DOCK6: variants seen among roughly 807,000 people sequenced by gnomAD.
DOCK6 encodes the protein dedicator of cytokinesis 6.
Under a neutral mutation model 230.3 loss-of-function variants are expected in DOCK6, and 167 were observed. The ratio of observed to expected loss-of-function variants is 0.73; its 90% CI spans 0.64 to 0.82. The LOEUF is 0.82. Among genes scored for constraint, DOCK6 ranks in the 40% least tolerant of loss-of-function variants. The probability of loss-of-function intolerance (pLI) is 0.00; values close to 1 mark genes in which losing one functional copy is unlikely to be tolerated. For synonymous variants in DOCK6, 1,148 were observed against 1,185.0 expected, an observed-to-expected ratio of 0.97 and a Z score of 0.64; for missense variants, 2,598 against 2,825.8, an observed-to-expected ratio of 0.92 and a Z score of 1.83.
At chr19:11,248,175 C>T in intron 6 of DOCK6, 24 bp from the exon 7 acceptor site, 1 of 1,022,050 alleles carries the variant, frequency 9.8e-7, no homozygotes, top group South Asian at 1.3e-5. Context: ...GGGGTGGGAG[C>T]TGGGCGGGAG....
intron 24 of DOCK6, among the ~76,000 whole-genome samples, chr19:11,226,206 G>A (rs367707960): frequency 6.6e-6 from 1 of 152,118 alleles, no homozygotes; most frequent in East Asian, 1.9e-4. Context: ...GACAGTGAGG[G>A]GTCTGGAGCT....
intron 7 of DOCK6, chr19:11,247,814 G>A (rs984747867): frequency 4.6e-6 from 2 of 431,966 alleles, no homozygotes; most frequent in Non-Finnish European, 8.6e-6. Flanking sequence ...ATGAGGTTGT[G>A]GTGAATATAA....
chr19:11,228,148 T>C (rs1002757987), intron 23 of DOCK6, among the ~76,000 whole-genome samples: 6 of 151,858 alleles, frequency 4.0e-5, no homozygotes, highest in African/African-American at 9.7e-5. Flanking sequence ...GTAGCTGAGA[T>C]TACAGGCACG....
intron 1 of DOCK6, among the ~76,000 whole-genome samples, chr19:11,255,097 G>A (rs1255990801): frequency 6.6e-6 from 1 of 151,912 alleles, no homozygotes; most frequent in Non-Finnish European, 1.5e-5. Context: ...CCTGCTTCCC[G>A]GGTTCAAGCG....
chr19:11,249,624 G>A (rs1450066395), intron 6 of DOCK6, among the ~76,000 whole-genome samples: 3 of 151,356 alleles, frequency 2.0e-5, no homozygotes, highest in African/African-American at 7.3e-5. Flanking sequence ...GGCCAGGCGC[G>A]GTGGCTCAAG....
chr19:11,232,096 C>T (rs2079773783), intron 22 of DOCK6: 1 of 1,021,608 alleles, frequency 9.8e-7, no homozygotes, highest in Admixed American at 2.6e-5. Context: ...CAGGCAGCCC[C>T]CCTAGGTTAG....
chr19:11,252,940 C>A lies in DOCK6; in HGVS notation c.151G>T (p.Val51Phe). 1 of 1,608,212 alleles carries A rather than the reference C, an allele frequency of 6.2e-7. No homozygotes were observed. Among genetic ancestry groups the A allele is most frequent in the South Asian group, 1.1e-5 (1 of 90,066 alleles). Residue 51 changes from valine (V) to phenylalanine (F), a missense_variant, in exon 3 of 48, where the codon GTC (valine) becomes TTC (phenylalanine). Physicochemically the swap from Val to Phe is conservative, Grantham distance 50 (BLOSUM62 -1). Transcript: ENST00000294618. Reference protein sequence around the residue: ...SSLGVPLTEVVEPLDFEDVLL... With the variant: ...SSLGVPLTEVFEPLDFEDVLL... ...ACATCCTCAAAGTCCAGGGGCTCGA[C>A]AACTTCAGTCAGTGGGACCTGGATT...
intron 6 of DOCK6, among the ~76,000 whole-genome samples, chr19:11,250,141 G>A (rs1219353319): frequency 6.6e-6 from 1 of 150,998 alleles, no homozygotes; most frequent in Non-Finnish European, 1.5e-5. Flanking sequence ...CTTCAGAGTA[G>A]CTGGGATTAC....
At chr19:11,208,429 C>T (rs1013849949) in intron 39 of DOCK6, 8 of 330,558 alleles carry the variant, frequency 2.4e-5, no homozygotes, top group East Asian at 1.7e-4. Flanking sequence ...TACAGCCGTG[C>T]GCCACCACGC....
intron 28 of DOCK6, among the ~76,000 whole-genome samples, chr19:11,217,986 T>C (rs1283500887): frequency 6.6e-6 from 1 of 150,884 alleles, no homozygotes; most frequent in South Asian, 2.1e-4. Context: ...GGAGTAGCTG[T>C]GATTACAGGC....
At chr19:11,239,871 G>A (rs759226211) in intron 14 of DOCK6, 3 of 1,597,862 alleles carry the variant, frequency 1.9e-6, no homozygotes, top group Non-Finnish European at 2.6e-6. Context: ...AACTCCTGGG[G>A]CAGGAGGTCA....
intron 24 of DOCK6, 93 bp downstream of exon 24, chr19:11,227,244 C>T (rs957332153): frequency 6.5e-7 from 1 of 1,535,550 alleles, no homozygotes; most frequent in East Asian, 2.3e-5. Flanking sequence ...GGTCTTACGG[C>T]CAGGAGACAC....
chr19:11,244,020 A>C, intron 9 of DOCK6, 138 bp from the exon 10 acceptor site: 7 of 889,174 alleles, frequency 7.9e-6, no homozygotes, highest in Non-Finnish European at 1.2e-5. Flanking sequence ...AACACCTCCC[A>C]TGGCTCCCGC....
chr19:11,259,881 C>CTTTTTTTT (rs1205836383), intron 1 of DOCK6, among the ~76,000 whole-genome samples: 5,058 of 67,698 alleles, frequency 0.075, 1,266 homozygotes, highest in East Asian at 0.17. Context: ...CGCGCCCGGC[C>CTTTTTTTT]TTTTTTTTTT....
chr19:11,213,324 G>A lies in DOCK6; in HGVS notation c.4343C>T (p.Pro1448Leu), dbSNP rs371710008. ...ATQRALVSKFPELLFEEDTEL... is the reference protein window; with the variant it reads ...ATQRALVSKFLELLFEEDTEL... ...CGTGTCCTCCTCGAACAGCAGCTCC[G>A]GGAACTGCCCCCAAGGACCCAGACA... The change falls in exon 35 of 48, where the codon CCG (proline) becomes CTG (leucine). Residue 1448 changes from proline to leucine, a missense_variant. Physicochemically the swap from Pro to Leu is moderately conservative, Grantham distance 98. Transcript: ENST00000294618. The A allele has an allele frequency of 2.6e-4, 416 of 1,610,490 alleles. No individual in the cohort carries two copies. Among genetic ancestry groups the A allele is most frequent in the Non-Finnish European group, 3.4e-4 (396 of 1,179,342 alleles).
chr19:11,237,223 G>T, intron 18 of DOCK6: 1 of 608,696 alleles, frequency 1.6e-6, no homozygotes, highest in Non-Finnish European at 2.9e-6. Context: ...CAGTGATCAG[G>T]AAGGCAGTCA....
intron 24 of DOCK6, 149 bp downstream of exon 24, chr19:11,227,188 G>T (rs751098146): frequency 1.4e-4 from 163 of 1,138,840 alleles, no homozygotes; most frequent in Non-Finnish European, 2.0e-4. Context: ...AGGCACTTAA[G>T]AAACAGACAA....
intron 41 of DOCK6, chr19:11,203,800 AC>A (rs2079210872): frequency 4.0e-5 from 22 of 546,148 alleles, no homozygotes; most frequent in South Asian, 3.8e-4. Flanking sequence ...TCACCCCGCC[AC>A]CCCCCTGCAG....
chr19:11,245,373 G>A (rs1392734681), intron 9 of DOCK6, among the ~76,000 whole-genome samples, 190 bp downstream of exon 9: 1 of 151,986 alleles, frequency 6.6e-6, no homozygotes, highest in African/African-American at 2.4e-5. Flanking sequence ...CTCAACTGTC[G>A]CCTCTCCCTG....
Sources: allele counts gnomAD v4.1 joint callset (sites outside exome capture counted in the v4.1 genomes callset), GRCh38; gene constraint gnomAD v4.1.1; transcripts MANE v1.5; gene names NCBI Gene and HGNC (gene_info 2026-07-23, HGNC 2026-07-21).